RREB1: variants seen among roughly 807,000 people sequenced by gnomAD.
RREB1 encodes the protein ras-responsive element-binding protein 1.
Under a neutral mutation model 117.8 loss-of-function variants are expected in RREB1, and 27 were observed. The observed-to-expected ratio is 0.23, with a 90% CI of 0.17 to 0.32. The LOEUF is 0.32. RREB1 is among the 10% of genes least tolerant of loss of function. The probability of loss-of-function intolerance (pLI) is 1.00; values close to 1 mark genes in which losing one functional copy is unlikely to be tolerated. For synonymous variants in RREB1, 1,298 were observed against 1,026.7 expected, an observed-to-expected ratio of 1.26 and a Z score of -5.05; for missense variants, 2,577 against 2,378.2, an observed-to-expected ratio of 1.08 and a Z score of -1.74.
chr6:7,142,882 C>G (rs1581442604), intron 1 of RREB1, among the ~76,000 whole-genome samples: 1 of 152,150 alleles, frequency 6.6e-6, no homozygotes, highest in African/African-American at 2.4e-5. Context: ...GATAACTTTT[C>G]TCTTCTACAC....
chr6:7,239,338 A>G (rs1360365804), intron 10 of RREB1, among the ~76,000 whole-genome samples: 3 of 152,160 alleles, frequency 2.0e-5, no homozygotes, highest in Admixed American at 6.5e-5. Context: ...AAAGGGAGGA[A>G]TTCAGTGATA....
At chr6:7,143,245 G>A (rs1289057446) in intron 1 of RREB1, among the ~76,000 whole-genome samples, 2 of 152,224 alleles carry the variant, frequency 1.3e-5, no homozygotes, top group East Asian at 3.8e-4. Context: ...ACTGGCAGGT[G>A]TAAATGCGGC....
At chr6:7,166,192 C>T (rs1042618144) in intron 1 of RREB1, among the ~76,000 whole-genome samples, 1 of 152,164 alleles carries the variant, frequency 6.6e-6, no homozygotes, top group East Asian at 1.9e-4. Flanking sequence ...GGCCTTGGCC[C>T]CCTCCTTCCA....
In RREB1 at chr6:7,120,781, G is replaced by A. The variant is rs959967769; in HGVS notation, c.-285+12721G>A. 2.0e-5 allele frequency among the ~76,000 whole-genome samples: 3 copies of A among 151,180 alleles called. No individual in the cohort carries two copies. The East Asian group carries it at 5.8e-4, about 29-fold the overall frequency. ...CCCACCTCAGCCTCTTGAGTAGCTG[G>A]GGCTACAGGTGTGCGCCACCACGCT... On this transcript the variant is annotated intron_variant, in intron 1 of 12. Transcript: ENST00000379938.
At chr6:7,242,112 G>A (rs1332045509) in intron 11 of RREB1, among the ~76,000 whole-genome samples, 3 of 152,216 alleles carry the variant, frequency 2.0e-5, no homozygotes, top group Non-Finnish European at 2.9e-5. Flanking sequence ...CCACAGTAGC[G>A]AAAGCAGCCG....
intron 11 of RREB1, among the ~76,000 whole-genome samples, chr6:7,246,211 G>A (rs897947546): frequency 3.9e-5 from 6 of 152,216 alleles, no homozygotes; most frequent in African/African-American, 1.2e-4. Flanking sequence ...CTGAGGTGAT[G>A]TGGAGGCTGC....
chr6:7,137,093 C>T (rs1561737589), intron 1 of RREB1, among the ~76,000 whole-genome samples: 2 of 152,232 alleles, frequency 1.3e-5, no homozygotes, highest in Non-Finnish European at 2.9e-5. Context: ...GGGAGTGCCT[C>T]AACATGGGGA....
At chr6:7,160,815 T>TAGCTGGGATTACAG (rs144047052) in intron 1 of RREB1, among the ~76,000 whole-genome samples, 43,956 of 151,718 alleles carry the variant, frequency 0.29, 7,993 homozygotes, top group African/African-American at 0.52. Flanking sequence ...GCCTCCTGAG[T>TAGCTGGGATTACAG]AGCTGGGATT....
intron 6 of RREB1, among the ~76,000 whole-genome samples, chr6:7,195,181 C>T (rs1765605906): frequency 6.6e-6 from 1 of 151,838 alleles, no homozygotes; most frequent in Admixed American, 6.6e-5. Flanking sequence ...CTTTTTGCTA[C>T]ACTTAATCTG....
At position 7,147,867 on chromosome 6, in the gene RREB1, A is replaced by C. The variant is rs1272106194; in HGVS notation, c.-284-28788A>C. ...CAGTGAGTTCAGGAAAAAAAAAAAA[A>C]AGTTTGTGTTTTAAGCTGCGTGTAT... On this transcript the variant is annotated intron_variant, in intron 1 of 12. Transcript: ENST00000379938. Among the ~76,000 whole-genome samples, 7 of 152,308 alleles carry C rather than the reference A, an allele frequency of 4.6e-5. No homozygotes were observed. The East Asian group carries it at 7.7e-4, about 17-fold the overall frequency.
At chr6:7,115,561 T>A (rs929768539) in intron 1 of RREB1, among the ~76,000 whole-genome samples, 4 of 152,158 alleles carry the variant, frequency 2.6e-5, no homozygotes, top group Non-Finnish European at 5.9e-5. Flanking sequence ...GGTTAGTCAG[T>A]GTCCCATTGG....
At chr6:7,215,807 T>C (rs1313678329) in intron 8 of RREB1, 1 of 152,216 alleles carries the variant, frequency 6.6e-6, no homozygotes, top group Non-Finnish European at 1.5e-5. Context: ...AAATCTGGTG[T>C]GTGTGACGTG....
chr6:7,196,927 C>T (rs986515564), intron 6 of RREB1, among the ~76,000 whole-genome samples: 2 of 152,190 alleles, frequency 1.3e-5, no homozygotes, highest in Admixed American at 1.3e-4. Flanking sequence ...AGCACGGAAA[C>T]ATCACTGTGG....
intron 8 of RREB1, among the ~76,000 whole-genome samples, chr6:7,225,912 G>C (rs1767555407): frequency 6.6e-6 from 1 of 152,166 alleles, no homozygotes; most frequent in Non-Finnish European, 1.5e-5. Flanking sequence ...TTATCATTCA[G>C]ATAATGATGA....
chr6:7,151,987 T>A (rs939629469), intron 1 of RREB1, among the ~76,000 whole-genome samples: 1 of 152,212 alleles, frequency 6.6e-6, no homozygotes, highest in Non-Finnish European at 1.5e-5. Flanking sequence ...TGGCTTTCGT[T>A]TTCAAAACGT....
At position 7,231,336 on chromosome 6, in the gene RREB1, C is replaced by A. The variant is rs771863352; in HGVS notation, c.3237C>A (p.Pro1079=). The change falls in exon 10 of 13, where the codon CCC becomes CCA. Residue 1079 remains proline, a synonymous_variant. Coordinates refer to ENST00000379938, the MANE Select transcript of RREB1 (RefSeq NM_001003699.4). ...AQIISSVSSA[P]TLLKTKVADP... is the part of the protein sequence containing the mutation. ...TCATCTCATCTGTATCCTCGGCCCC[C>A]ACCCTGCTGAAAACCAAGGTGGCGG... 4 of 1,611,798 alleles carry A rather than the reference C, an allele frequency of 2.5e-6. No homozygotes were observed. In the South Asian group the frequency reaches 4.4e-5, roughly 18 times the overall value.
intron 6 of RREB1, among the ~76,000 whole-genome samples, chr6:7,191,221 ATT>A (rs796819855): frequency 1.4e-5 from 2 of 145,776 alleles, no homozygotes; most frequent in African/African-American, 2.5e-5. Context: ...TTCACTTTTC[ATT>A]TTTTTTTTTT....
intron 10 of RREB1, among the ~76,000 whole-genome samples, chr6:7,236,887 GTTTTTTTTTTTT>G (rs869133214): frequency 9.5e-5 from 6 of 63,404 alleles, no homozygotes; most frequent in African/African-American, 3.4e-4. Flanking sequence ...GTTTTTGGAG[GTTTTTTTTTTTT>G]TTTTTTTTTT....
At chr6:7,198,884 A>G (rs1420800437) in intron 6 of RREB1, among the ~76,000 whole-genome samples, 6 of 152,194 alleles carry the variant, frequency 3.9e-5, no homozygotes, top group Admixed American at 3.9e-4. Context: ...TAAGAGGCCC[A>G]TAATCTTCCC....
Sources: allele counts gnomAD v4.1 joint callset (sites outside exome capture counted in the v4.1 genomes callset), GRCh38; gene constraint gnomAD v4.1.1; transcripts MANE v1.5; gene names NCBI Gene and HGNC (gene_info 2026-07-23, HGNC 2026-07-21).